DCP2: variants seen among roughly 807,000 people sequenced by gnomAD.
DCP2 encodes decapping mRNA 2.
In DCP2, 30 loss-of-function variants were observed where a neutral mutation model predicts 56.1. The ratio of observed to expected loss-of-function variants is 0.53; its 90% CI spans 0.40 to 0.73. The LOEUF (loss-of-function observed/expected upper bound fraction) is 0.73, where lower values mean the gene tolerates loss of function less well. Ranked by LOEUF, DCP2 falls within the 30% of genes least tolerant of loss-of-function variation. The pLI is 0.00. For missense variants in DCP2, 533 were observed against 502.7 expected, an observed-to-expected ratio of 1.06 and a Z score of -0.58; for synonymous variants, 197 against 163.3, an observed-to-expected ratio of 1.21 and a Z score of -1.57.
intron 8 of DCP2, among the ~76,000 whole-genome samples, chr5:113,004,592 C>T (rs1339767417): frequency 6.6e-6 from 1 of 152,118 alleles, no homozygotes; most frequent in Non-Finnish European, 1.5e-5. Context: ...GTGAACATTC[C>T]TATACCTGTC....
intron 2 of DCP2, among the ~76,000 whole-genome samples, chr5:112,989,546 A>AG (rs1227175747): frequency 6.6e-6 from 1 of 152,222 alleles, no homozygotes; most frequent in Non-Finnish European, 1.5e-5. Flanking sequence ...GGGAAAGATA[A>AG]GAGATGATGC....
At chr5:113,011,455 A>G (rs376954312) in intron 10 of DCP2, among the ~76,000 whole-genome samples, 27 of 152,244 alleles carry the variant, frequency 1.8e-4, no homozygotes, top group Admixed American at 1.8e-3. Context: ...TTGGAAGTGC[A>G]GTAGACTTTT....
At chr5:113,012,986 C>T (rs949615378) in intron 10 of DCP2, among the ~76,000 whole-genome samples, 10 of 152,204 alleles carry the variant, frequency 6.6e-5, no homozygotes, top group Non-Finnish European at 1.5e-5. Context: ...CTTGGTAAAC[C>T]CCAGCTTTAT....
intron 4 of DCP2, among the ~76,000 whole-genome samples, chr5:112,993,317 A>T (rs77146752): frequency 3.9e-4 from 59 of 152,144 alleles, no homozygotes; most frequent in African/African-American, 1.3e-3. Flanking sequence ...CTTGAACTTG[A>T]TTGATTTGTT....
In DCP2 at chr5:112,988,441, G is replaced by A. The variant is rs187867564; in HGVS notation, c.205+2455G>A. ...CGGGAGGCAGAGCTTGCAGTGAGCC[G>A]AGTTCGCGCCACTGCACTCCAGCCT... On this transcript the variant is annotated intron_variant, in intron 2 of 10. Transcript: ENST00000389063. 3.5e-3 allele frequency among the ~76,000 whole-genome samples: 511 copies of A among 146,118 alleles called. 3 individuals are homozygous for A. The highest frequency in any genetic ancestry group is 3.7e-3 in the Non-Finnish European group (248 of 67,308).
At chr5:113,001,779 T>C (rs1289893634) in intron 7 of DCP2, 105 bp downstream of exon 7, 1 of 1,034,968 alleles carries the variant, frequency 9.7e-7, no homozygotes, top group Non-Finnish European at 1.5e-6. Flanking sequence ...TTTCTTTTTA[T>C]AGATACTCTT....
At position 113,019,683 on chromosome 5, in the gene DCP2, T is replaced by C. The variant is rs1750027063; in HGVS notation, c.*6199T>C. Reference sequence around the variant, plus strand: ...CATGAACTATTTTGCTTTATGTCTGTTTTTAAAAAATAATTGTTTTGAAGT... The same window carrying C: ...CATGAACTATTTTGCTTTATGTCTGCTTTTAAAAAATAATTGTTTTGAAGT... On this transcript the variant is annotated 3_prime_UTR_variant, in exon 11 of 11. Transcript: ENST00000389063. 1 of 152,216 alleles carries C rather than the reference T, an allele frequency of 6.6e-6. No homozygotes were observed. The highest frequency in any genetic ancestry group is 1.5e-5 in the Non-Finnish European group (1 of 68,030). 9.4% of individuals were successfully genotyped at this position (152,216 alleles called of 1,614,324 possible).
At chr5:112,985,648 G>A (rs1256335455) in intron 1 of DCP2, among the ~76,000 whole-genome samples, 187 bp from the exon 2 acceptor site, 3 of 152,180 alleles carry the variant, frequency 2.0e-5, no homozygotes, top group Non-Finnish European at 4.4e-5. Flanking sequence ...TGAGATACAT[G>A]TGGTGTCTCC....
At chr5:113,003,903 A>T (rs758374519) in intron 7 of DCP2, 39 bp from the exon 8 acceptor site, 1 of 1,610,210 alleles carries the variant, frequency 6.2e-7, no homozygotes, top group Non-Finnish European at 8.5e-7. Flanking sequence ...CTATAAGTGA[A>T]CATTTTCTGA....
intron 1 of DCP2, among the ~76,000 whole-genome samples, chr5:112,980,586 C>CT (rs397802203): frequency 2.7e-5 from 1 of 36,602 alleles, no homozygotes; most frequent in Non-Finnish European, 5.7e-5. Context: ...TACTTTTGAA[C>CT]TTTAAAACAG....
chr5:112,992,027 T>A, intron 2 of DCP2, 94 bp from the exon 3 acceptor site: 1 of 1,508,936 alleles, frequency 6.6e-7, no homozygotes, highest in Non-Finnish European at 8.9e-7. Flanking sequence ...TAATTTCACA[T>A]GAAATACACT....
rs998406693 is a variant in DCP2 at position 113,006,073 on chromosome 5, G to T, written c.943-1865G>T. ...CCTGGGAAGTCAAGGCTGTGGTGGC[G>T]CCATTGCACTCCAGCCTGGGCAACA... is the stretch of plus-strand genomic sequence containing the variant. On this transcript the variant is annotated intron_variant, in intron 8 of 10. Coordinates refer to ENST00000389063, the MANE Select transcript of DCP2 (RefSeq NM_152624.6). Among the ~76,000 whole-genome samples the T allele has an allele frequency of 6.3e-5, 9 of 142,300 alleles. No homozygotes were observed. In the East Asian group the frequency reaches 1.4e-3, roughly 23 times the overall value. The allele number at this position is 142,300 out of a possible 152,430, so 93.4% of individuals were successfully genotyped here.
intron 7 of DCP2, 150 bp downstream of exon 7, chr5:113,001,824 T>A (rs1050586746): frequency 4.0e-6 from 3 of 754,006 alleles, no homozygotes; most frequent in Admixed American, 2.9e-5. Flanking sequence ...AAGATTTTTT[T>A]AAAGGGTTTC....
At chr5:113,002,449 A>G (rs977168097) in intron 7 of DCP2, among the ~76,000 whole-genome samples, 1 of 151,178 alleles carries the variant, frequency 6.6e-6, no homozygotes, top group African/African-American at 2.4e-5. Context: ...ATTGTGTCAG[A>G]GATTGTGTAT....
chr5:113,013,486 A>G lies in DCP2; in HGVS notation c.*2A>G. ...ATAATGAAAATCTTGGACCTTTGAT[A>G]GCAGCACATGTATTGTAAATGTCCC... is the stretch of plus-strand genomic sequence containing the variant. On this transcript the variant is annotated 3_prime_UTR_variant, in exon 11 of 11. Transcript: ENST00000389063. 1 of 1,613,978 alleles carries G rather than the reference A, an allele frequency of 6.2e-7. No individual in the cohort carries two copies. The highest frequency in any genetic ancestry group is 1.7e-4 in the Middle Eastern group (1 of 6,060).
chr5:113,013,278 C>A, intron 10 of DCP2, 43 bp from the exon 11 acceptor site: 1 of 1,567,724 alleles, frequency 6.4e-7, no homozygotes. Flanking sequence ...TGATTTCTTA[C>A]TAAGGTTACT....
intron 8 of DCP2, among the ~76,000 whole-genome samples, chr5:113,004,319 G>A (rs1050819544): frequency 1.8e-4 from 27 of 152,126 alleles, no homozygotes; most frequent in African/African-American, 6.0e-4. Flanking sequence ...GCCAATGAAA[G>A]GTTCATTTAA....
At position 113,017,151 on chromosome 5, in the gene DCP2, C is replaced by A. The variant is rs1308264712; in HGVS notation, c.*3667C>A. On this transcript the variant is annotated 3_prime_UTR_variant, in exon 11 of 11. Coordinates refer to ENST00000389063, the MANE Select transcript of DCP2 (RefSeq NM_152624.6). Reference sequence around the variant, plus strand: ...ACATCTTTTGTGTTTCTATATTTTCCGAGGCAGTATTTTCTTTGTATGTTA... The same window carrying A: ...ACATCTTTTGTGTTTCTATATTTTCAGAGGCAGTATTTTCTTTGTATGTTA... 6.6e-6 allele frequency: 1 copy of A among 152,002 alleles called. No homozygotes were observed. The highest frequency in any genetic ancestry group is 2.1e-4 in the South Asian group (1 of 4,830). The allele number at this position is 152,002 out of a possible 1,614,324, so 9.4% of individuals were successfully genotyped here. A position where few individuals can be genotyped will look rare whatever the true frequency, so the allele number is the denominator to read the frequency against.
Position 113,001,165 on chromosome 5 carries a change from G to T in DCP2, c.514G>T (p.Ala172Ser). The T allele has an allele frequency of 6.2e-7, 1 of 1,613,852 alleles. No individual in the cohort carries two copies. The highest frequency in any genetic ancestry group is 8.5e-7 in the Non-Finnish European group (1 of 1,179,938). Residue 172 changes from alanine (A) to serine (S), a missense_variant, in exon 5 of 11, where the codon GCT becomes TCT. Coordinates refer to ENST00000389063, the MANE Select transcript of DCP2 (RefSeq NM_152624.6). ...YIELRINDQLARLYIIPGIPK... is the reference protein window; with the variant it reads ...YIELRINDQLSRLYIIPGIPK... ...TGAACTTCGAATCAATGACCAGCTT[G>T]CTCGTTTGTACATCATTCCAGGAAT...
Sources: allele counts gnomAD v4.1 joint callset (sites outside exome capture counted in the v4.1 genomes callset), GRCh38; gene constraint gnomAD v4.1.1; transcripts MANE v1.5; gene names NCBI Gene and HGNC (gene_info 2026-07-23, HGNC 2026-07-21).